MTMR10: variants seen among roughly 807,000 people sequenced by gnomAD.
MTMR10 encodes the protein myotubularin-related protein 10.
A neutral mutation model predicts 88.1 loss-of-function variants in MTMR10; 56 were observed. That is an observed-to-expected ratio of 0.64 (90% CI 0.51 to 0.79). The LOEUF (loss-of-function observed/expected upper bound fraction) is 0.79. Ranked by LOEUF, MTMR10 falls within the 30% of genes least tolerant of loss-of-function variation. The pLI, the probability that MTMR10 is intolerant of heterozygous loss-of-function variation, is 0.00. For synonymous variants in MTMR10, 380 were observed against 340.9 expected (o/e 1.11, Z -1.26); for missense variants, 883 against 924.7 (o/e 0.95, Z 0.58).
Position 30,991,525 on chromosome 15 carries a change from C to G in MTMR10, c.-19G>C. The G allele has an allele frequency of 2.0e-6, 3 of 1,536,360 alleles. No homozygotes were observed. The highest frequency in any genetic ancestry group is 2.6e-6 in the Non-Finnish European group (3 of 1,148,838). ...AGAACATGGTGCCGCCGCCTTTTCG[C>G]CCCGTTCCCGTCGCGGGCCAGTGGC... On this transcript the variant is annotated 5_prime_UTR_variant, in exon 1 of 16. Coordinates refer to ENST00000435680, the MANE Select transcript of MTMR10 (RefSeq NM_017762.3).
rs77882701 is a variant in MTMR10, at chr15:30,964,054, G to A, written c.566-2981C>T. On this transcript the variant is annotated intron_variant, in intron 6 of 15. Coordinates refer to ENST00000435680, the MANE Select transcript of MTMR10 (RefSeq NM_017762.3). Reference sequence around the variant, plus strand: ...ACGTTAGCAAGTTTGGAATAAAAGGGAATTTCCTTAACTGGATAGAGGGTG... The same window carrying A: ...ACGTTAGCAAGTTTGGAATAAAAGGAAATTTCCTTAACTGGATAGAGGGTG... Among the ~76,000 whole-genome samples the A allele has an allele frequency of 1.5e-3, 227 of 151,452 alleles. 1 individual carries two copies. Among genetic ancestry groups the A allele is most frequent in the African/African-American group, 5.2e-3 (214 of 41,400 alleles).
intron 15 of MTMR10, chr15:30,942,323 T>C: frequency 1.8e-6 from 1 of 543,926 alleles, no homozygotes; most frequent in Non-Finnish European, 3.2e-6. Context: ...TCCTATCCAC[T>C]AATTTGCTTA....
the MTMR10 span, among the ~76,000 whole-genome samples, chr15:30,933,301 C>T: frequency 6.6e-6 from 1 of 152,128 alleles, no homozygotes; most frequent in Non-Finnish European, 1.5e-5. Context: ...TTATCTGAAC[C>T]TCACAAATTT....
At chr15:30,931,093 G>C in the MTMR10 span, among the ~76,000 whole-genome samples, 1 of 152,158 alleles carries the variant, frequency 6.6e-6, no homozygotes, top group Non-Finnish European at 1.5e-5. Context: ...AAGGATAAAT[G>C]CTTGAGGGGA....
rs772549014 is a variant in MTMR10 at position 30,990,811 on chromosome 15, C to T, written c.87G>A (p.Pro29=). The part of the protein sequence containing the change: ...PQTDDKINSE[P]KIKKLEPVLL... ...GGACTGGCTCCAGTTTTTTAATCTT[C>T]GGTTCCGAATTGATCTTATCGTCAG... The change falls in exon 2 of 16, where the codon CCG becomes CCA. Residue 29 remains proline (P), a synonymous_variant. Coordinates refer to ENST00000435680, the MANE Select transcript of MTMR10 (RefSeq NM_017762.3). 1.1e-5 allele frequency: 18 copies of T among 1,608,574 alleles called. No homozygotes were observed. In the Admixed American group the frequency reaches 2.4e-4, roughly 21 times the overall value.
the MTMR10 span, among the ~76,000 whole-genome samples, chr15:30,922,864 G>A: frequency 6.6e-6 from 1 of 152,246 alleles, no homozygotes; most frequent in African/African-American, 2.4e-5. Flanking sequence ...GTTTGACCTT[G>A]AGCAGGCACC....
intron 1 of MTMR10, 178 bp downstream of exon 1, chr15:30,991,269 G>C (rs1414403252): frequency 3.5e-6 from 2 of 565,710 alleles, no homozygotes; most frequent in East Asian, 3.5e-5. Context: ...AGTTTTCGCC[G>C]AGCCAGTGGG....
chr15:30,920,312 G>A, the MTMR10 span, among the ~76,000 whole-genome samples: 1 of 152,336 alleles, frequency 6.6e-6, no homozygotes, highest in East Asian at 1.9e-4. Flanking sequence ...GGAGTTTGCT[G>A]ACCTTGGTTT....
chr15:30,990,086 T>C (rs149956744), intron 2 of MTMR10, among the ~76,000 whole-genome samples: 4 of 152,204 alleles, frequency 2.6e-5, no homozygotes, highest in Non-Finnish European at 5.9e-5. Context: ...CAAATTTTGT[T>C]CTAAAGCAGT....
the MTMR10 span, chr15:30,926,527 C>A: frequency 3.2e-6 from 2 of 631,382 alleles, no homozygotes; most frequent in Non-Finnish European, 2.0e-6. Context: ...GAAAGACAAC[C>A]ACAAGATAGG....
chr15:30,980,994 T>C (rs370411370), intron 2 of MTMR10, among the ~76,000 whole-genome samples: 2 of 152,228 alleles, frequency 1.3e-5, no homozygotes, highest in East Asian at 1.9e-4. Context: ...GTAGGAGGAA[T>C]AAGGAAACAA....
At position 30,941,244 on chromosome 15, in the gene MTMR10, A is replaced by T. The variant is rs2063039126; in HGVS notation, c.*226T>A. ...CATGAACAGTTTGATCACGGTTACAAGAGCCAGACCTGTAATGACAGAAAG... is the reference window on the plus strand; with the variant it reads ...CATGAACAGTTTGATCACGGTTACATGAGCCAGACCTGTAATGACAGAAAG... On this transcript the variant is annotated 3_prime_UTR_variant, in exon 16 of 16. Coordinates refer to ENST00000435680, the MANE Select transcript of MTMR10 (RefSeq NM_017762.3). The T allele has an allele frequency of 6.9e-7, 1 of 1,445,116 alleles. No individual in the cohort carries two copies. The highest frequency in any genetic ancestry group is 2.1e-5 in the Admixed American group (1 of 48,176). The allele number at this position is 1,445,116 out of a possible 1,614,324, so 89.5% of individuals were successfully genotyped here.
rs1283955638 is a variant in MTMR10 at position 30,939,965 on chromosome 15, C to T, written c.*1505G>A. 1.0e-6 allele frequency: 1 copy of T among 982,412 alleles called. No homozygotes were observed. The highest frequency in any genetic ancestry group is 1.7e-5 in the African/African-American group (1 of 57,158). The allele number at this position is 982,412 out of a possible 1,614,324, so 60.9% of individuals were successfully genotyped here. On this transcript the variant is annotated 3_prime_UTR_variant, in exon 16 of 16. Coordinates refer to ENST00000435680, the MANE Select transcript of MTMR10 (RefSeq NM_017762.3). ...TTAAGAACTCCTGTCCTGTTATATC[C>T]AGAGACATTATCAAATTTTAAAAGG... is the stretch of plus-strand genomic sequence containing the variant.
chr15:30,973,672 A>T (rs538089005), intron 5 of MTMR10, among the ~76,000 whole-genome samples: 1 of 152,276 alleles, frequency 6.6e-6, no homozygotes, highest in Admixed American at 6.5e-5. Flanking sequence ...CACAGACTGG[A>T]ACGGGGGCCA....
At chr15:30,981,130 G>T (rs2030541048) in intron 2 of MTMR10, among the ~76,000 whole-genome samples, 3 of 152,192 alleles carry the variant, frequency 2.0e-5, no homozygotes, top group Admixed American at 2.0e-4. Context: ...ACTTTAAGGA[G>T]AAACAGGTTA....
chr15:30,959,967 GCTCA>G (rs1566955110), intron 7 of MTMR10, among the ~76,000 whole-genome samples: 1 of 152,176 alleles, frequency 6.6e-6, no homozygotes, highest in South Asian at 2.1e-4. Context: ...TAGGGAACCA[GCTCA>G]CTATTTGGAA....
At chr15:30,933,015 C>T in the MTMR10 span, among the ~76,000 whole-genome samples, 16 of 152,084 alleles carry the variant, frequency 1.1e-4, no homozygotes, top group East Asian at 2.1e-3. Flanking sequence ...CCACCGCACA[C>T]GGCCATGTAT....
intron 3 of MTMR10, 63 bp from the exon 4 acceptor site, chr15:30,975,066 G>C (rs1376911162): frequency 8.2e-7 from 1 of 1,223,256 alleles, no homozygotes; most frequent in African/African-American, 1.5e-5. Context: ...GGTAGTATAA[G>C]CCTTAAACTG....
In MTMR10 at chr15:30,941,749, C is replaced by A. The variant is rs200207167; in HGVS notation, c.2055G>T (p.Leu685=). The A allele has an allele frequency of 9.5e-4, 1,537 of 1,613,980 alleles. No individual in the cohort carries two copies. Among genetic ancestry groups the A allele is most frequent in the Non-Finnish European group, 1.2e-3 (1,413 of 1,179,886 alleles). The change falls in exon 16 of 16, where the codon CTG becomes CTT. Residue 685 remains leucine, a synonymous_variant. Transcript: ENST00000435680. The stretch of plus-strand genomic sequence containing the variant: ...TGCTCAGTACGTCGACTTCATCAGC[C>A]AGGAGGGAGAGCTTGTGAAAGGCTG... ...SITAFHKLSL[L]ADEVDVLSRM...
Sources: allele counts gnomAD v4.1 joint callset (sites outside exome capture counted in the v4.1 genomes callset), GRCh38; gene constraint gnomAD v4.1.1; transcripts MANE v1.5; gene names NCBI Gene and HGNC (gene_info 2026-07-23, HGNC 2026-07-21).